The following BLOC1S3 variants were observed in gnomAD, a reference collection of about 807,000 sequenced individuals.
BLOC1S3 encodes biogenesis of lysosomal organelles complex 1 subunit 3.
BLOC1S3 carries 7 observed loss-of-function variants against 9.1 expected under a neutral mutation model. That is an observed-to-expected ratio of 0.77 (90% CI 0.44 to 1.45). The LOEUF (loss-of-function observed/expected upper bound fraction) is 1.45, where lower values mean the gene tolerates loss of function less well. BLOC1S3 is among the 40% of genes most tolerant of loss of function. BLOC1S3 has a pLI of 0.01. For missense variants in BLOC1S3, 307 were observed against 315.2 expected, an observed-to-expected ratio of 0.97 and a Z score of 0.20; for synonymous variants, 145 against 158.4, an observed-to-expected ratio of 0.92 and a Z score of 0.64.
intron 3 of BLOC1S3, among the ~76,000 whole-genome samples, chr19:45,205,738 C>A (rs1021057511): frequency 6.6e-6 from 1 of 152,102 alleles, no homozygotes; most frequent in African/African-American, 2.4e-5. Context: ...TTGCAAATTA[C>A]ATACTTGATA....
chr19:45,186,451 T>A (rs1020467533), downstream of BLOC1S3, among the ~76,000 whole-genome samples: 7 of 151,942 alleles, frequency 4.6e-5, no homozygotes, highest in Non-Finnish European at 1.0e-4. Context: ...CAGCCTGTAA[T>A]CCCAGTACTT....
At chr19:45,193,942 A>G (rs1336589153) in intron 2 of BLOC1S3, among the ~76,000 whole-genome samples, 1 of 100,416 alleles carries the variant, frequency 1.0e-5, no homozygotes, top group Non-Finnish European at 2.0e-5. Context: ...AGCCGGGACT[A>G]CAGGCACCCA....
At position 45,198,068 on chromosome 19, in the gene BLOC1S3, TG is replaced by T. The variant is rs1568474528; in HGVS notation, n.181-4333del. 3.9e-5 allele frequency among the ~76,000 whole-genome samples: 6 copies of T among 152,126 alleles called. No individual in the cohort carries two copies. In the South Asian group the frequency reaches 1.2e-3, roughly 32 times the overall value. On this transcript the variant is annotated intron_variant and non_coding_transcript_variant, in intron 2 of 3. Transcript: ENST00000591569. ...AATTGAGAAGAGATAAACAGGAGTG[TG>T]GGGGAAACAAGGTCCCGAACACTTG...
At chr19:45,189,728 G>T (rs576493070) in intron 2 of BLOC1S3, among the ~76,000 whole-genome samples, 1 of 151,538 alleles carries the variant, frequency 6.6e-6, no homozygotes, top group South Asian at 2.1e-4. Context: ...GAGCCACCAC[G>T]CCCGGCAGGT....
At chr19:45,207,576 A>C (rs999559766) in intron 3 of BLOC1S3, among the ~76,000 whole-genome samples, 11 of 150,402 alleles carry the variant, frequency 7.3e-5, no homozygotes, top group South Asian at 2.1e-4. Context: ...AAAAAAAAAA[A>C]AAAAAAAAAA....
rs761156453 is a variant in BLOC1S3 at position 45,196,898 on chromosome 19, CA to C, written n.181-5494del. Among the ~76,000 whole-genome samples, 1,015 of 136,910 alleles carry C rather than the reference CA, an allele frequency of 7.4e-3. 13 individuals carry two copies. Among genetic ancestry groups the C allele is most frequent in the African/African-American group, 0.022 (786 of 36,488 alleles). The allele number at this position is 136,910 out of a possible 152,430, so 89.8% of individuals were successfully genotyped here. A position where few individuals can be genotyped will look rare whatever the true frequency, so the allele number is the denominator to read the frequency against. ...CCTGGGCAACAGAGCAAGACTGTCT[CA>C]AAAAAAAAAAAAATCAATTTTAGGA... On this transcript the variant is annotated intron_variant and non_coding_transcript_variant, in intron 2 of 3. Transcript: ENST00000591569.
At chr19:45,210,384 C>T (rs551912912) in intron 3 of BLOC1S3, among the ~76,000 whole-genome samples, 1 of 138,000 alleles carries the variant, frequency 7.2e-6, no homozygotes, top group South Asian at 2.4e-4. Flanking sequence ...ACTTCAACCT[C>T]TGCCTCCTGG....
At chr19:45,190,216 C>A (rs926139470) in intron 2 of BLOC1S3, among the ~76,000 whole-genome samples, 15 of 151,506 alleles carry the variant, frequency 9.9e-5, no homozygotes, top group African/African-American at 3.6e-4. Context: ...TTTAGTTTGT[C>A]AATTGAATTT....
chr19:45,203,640 A>G (rs1209672263), intron 3 of BLOC1S3, among the ~76,000 whole-genome samples: 3 of 152,070 alleles, frequency 2.0e-5, no homozygotes, highest in African/African-American at 7.2e-5. Context: ...TCAGGTTCTC[A>G]CCACTAGAAT....
At chr19:45,210,167 A>T (rs1038263078) in intron 3 of BLOC1S3, among the ~76,000 whole-genome samples, 1 of 152,070 alleles carries the variant, frequency 6.6e-6, no homozygotes, top group South Asian at 2.1e-4. Context: ...CAGAGAGATT[A>T]GTGTCTGCTT....
chr19:45,195,884 C>T (rs567881496), intron 2 of BLOC1S3, among the ~76,000 whole-genome samples: 2 of 152,256 alleles, frequency 1.3e-5, no homozygotes, highest in South Asian at 2.1e-4. Flanking sequence ...CGTGAGCCAC[C>T]GTGCCCAGCC....
rs181444579 is a variant in BLOC1S3, at chr19:45,213,131, T to C, written n.283-3545T>C. 1,170 of 1,574,012 alleles carry C rather than the reference T, an allele frequency of 7.4e-4. 7 individuals carry two copies. In the African/African-American group the frequency reaches 0.014, roughly 19 times the overall value. On this transcript the variant is annotated intron_variant and non_coding_transcript_variant, in intron 3 of 3. Coordinates refer to the BLOC1S3 transcript ENST00000591569. ...CGGGGCCGAGGCAGACAGGCCAAAC[T>C]GGGCCTGGCCAGCCGGGAGAGGGGG...
chr19:45,194,333 G>A (rs61356778), intron 2 of BLOC1S3, among the ~76,000 whole-genome samples: 2,830 of 146,854 alleles, frequency 0.019, 96 homozygotes, highest in African/African-American at 0.066. Context: ...GGCTGGTCTC[G>A]AACTCCTAAC....
intron 2 of BLOC1S3, among the ~76,000 whole-genome samples, chr19:45,195,559 TTCCC>T (rs762809288): frequency 3.9e-4 from 36 of 91,546 alleles, no homozygotes; most frequent in East Asian, 9.9e-4. Flanking sequence ...CCCTCCCTCC[TTCCC>T]TCCCTCCCTC....
intron 2 of BLOC1S3, among the ~76,000 whole-genome samples, chr19:45,188,282 CAG>C (rs1258448497): frequency 6.6e-6 from 1 of 152,174 alleles, no homozygotes; most frequent in African/African-American, 2.4e-5. Context: ...CTCAGCCTCC[CAG>C]AGTGCTGGGA....
chr19:45,194,098 T>C (rs1166675936), intron 2 of BLOC1S3, among the ~76,000 whole-genome samples: 147 of 76,128 alleles, frequency 1.9e-3, no homozygotes, highest in Middle Eastern at 0.015. Flanking sequence ...CCACCGCGCC[T>C]GGCCTTTTTT....
chr19:45,215,575 G>A (rs1969823872), intron 3 of BLOC1S3, among the ~76,000 whole-genome samples: 1 of 152,038 alleles, frequency 6.6e-6, no homozygotes, highest in South Asian at 2.1e-4. Flanking sequence ...GGATGATGAT[G>A]ATGATGATGA....
At chr19:45,209,973 G>A (rs57390963) in intron 3 of BLOC1S3, among the ~76,000 whole-genome samples, 1,671 of 151,876 alleles carry the variant, frequency 0.011, 31 homozygotes, top group African/African-American at 0.038. Context: ...CTCGTGATCC[G>A]CCCACCTCAG....
intron 2 of BLOC1S3, among the ~76,000 whole-genome samples, chr19:45,201,217 A>G (rs897608577): frequency 6.6e-5 from 10 of 151,768 alleles, no homozygotes; most frequent in Admixed American, 5.9e-4. Context: ...AAAAAAAAAA[A>G]AGGAATCTTA....
Sources: gnomAD v4.1 joint callset for allele counts (sites outside exome capture counted in the v4.1 genomes callset) on GRCh38, gnomAD v4.1.1 for gene constraint, MANE v1.5 for transcripts, NCBI Gene and HGNC (gene_info 2026-07-23, HGNC 2026-07-21) for gene names.